Variants in KDM4C observed in about 807,000 individuals in gnomAD.
KDM4C encodes the protein lysine demethylase 4C.
A neutral mutation model predicts 129.3 loss-of-function variants in KDM4C; 81 were observed. That is an observed-to-expected ratio of 0.63 (90% CI 0.52 to 0.75). The LOEUF is 0.75. KDM4C is among the 30% of genes least tolerant of loss of function. KDM4C has a pLI of 0.00. For synonymous variants in KDM4C, 573 were observed against 456.1 expected (o/e 1.26, Z -3.26); for missense variants, 1,457 against 1,304.0 (o/e 1.12, Z -1.81).
At chr9:7,173,350 G>A (rs1035258720) in intron 21 of KDM4C, among the ~76,000 whole-genome samples, 5 of 152,254 alleles carry the variant, frequency 3.3e-5, no homozygotes, top group African/African-American at 1.2e-4. Context: ...TGCAACTGAT[G>A]CCGTCTGAGC....
At chr9:6,810,585 A>G (rs1346011230) in intron 3 of KDM4C, among the ~76,000 whole-genome samples, 2 of 152,238 alleles carry the variant, frequency 1.3e-5, no homozygotes, top group South Asian at 2.1e-4. Flanking sequence ...TTTGAAGTTA[A>G]TTTACGCTGG....
intron 8 of KDM4C, chr9:6,947,955 C>T (rs1316049946): frequency 1.3e-5 from 2 of 152,020 alleles, no homozygotes; most frequent in East Asian, 1.9e-4. Flanking sequence ...TTGTCAGTCT[C>T]GTATATGTCC....
chr9:6,799,068 C>T (rs1313443307), intron 2 of KDM4C, among the ~76,000 whole-genome samples: 3 of 151,008 alleles, frequency 2.0e-5, no homozygotes, highest in African/African-American at 7.3e-5. Flanking sequence ...AGAGACGCTC[C>T]TCACTTTCCA....
intron 18 of KDM4C, among the ~76,000 whole-genome samples, chr9:7,119,141 C>T (rs3802400): frequency 0.44 from 66,773 of 151,906 alleles, 15,021 homozygotes; most frequent in East Asian, 0.75. Flanking sequence ...ATTTTAGCTT[C>T]CATAACTTAA....
intron 19 of KDM4C, among the ~76,000 whole-genome samples, chr9:7,130,295 A>G (rs1441583909): frequency 6.6e-6 from 1 of 152,198 alleles, no homozygotes; most frequent in Non-Finnish European, 1.5e-5. Flanking sequence ...GGAATTAATG[A>G]ACCCTAAATT....
chr9:6,844,684 G>A (rs927981202), intron 4 of KDM4C, among the ~76,000 whole-genome samples: 2 of 152,122 alleles, frequency 1.3e-5, no homozygotes, highest in Non-Finnish European at 2.9e-5. Context: ...GCATCTGATA[G>A]GACTGATATT....
rs879432663 is a variant in KDM4C, at chr9:6,927,101, AT to A, written c.921+33870del. On this transcript the variant is annotated intron_variant, in intron 8 of 21. Transcript: ENST00000381309. ...TTCAAAAAAAATTTTCTATCTATCT[AT>A]CTATCTATCTATCTATCTATCTATC... 5.8e-3 allele frequency among the ~76,000 whole-genome samples: 858 copies of A among 149,196 alleles called. 5 individuals are homozygous for A. Among genetic ancestry groups the A allele is most frequent in the Middle Eastern group, 0.014 (4 of 290 alleles).
chr9:6,817,655 G>A (rs980505566), intron 4 of KDM4C, among the ~76,000 whole-genome samples: 2 of 151,654 alleles, frequency 1.3e-5, no homozygotes, highest in Non-Finnish European at 2.9e-5. Context: ...TGTTGAGAAT[G>A]TATTGTTTAT....
At chr9:7,026,606 T>C (rs1204413459) in intron 15 of KDM4C, among the ~76,000 whole-genome samples, 2 of 152,192 alleles carry the variant, frequency 1.3e-5, no homozygotes, top group Non-Finnish European at 2.9e-5. Context: ...GTAATCTTCT[T>C]GTACTTTGAC....
intron 17 of KDM4C, among the ~76,000 whole-genome samples, chr9:7,074,956 A>G (rs1833723943): frequency 6.6e-6 from 1 of 152,336 alleles, no homozygotes; most frequent in Admixed American, 6.5e-5. Flanking sequence ...ATCTCCTGCC[A>G]TACCCAGCGA....
At chr9:6,763,056 G>A (rs1281780252) in intron 1 of KDM4C, among the ~76,000 whole-genome samples, 1 of 152,054 alleles carries the variant, frequency 6.6e-6, no homozygotes, top group African/African-American at 2.4e-5. Context: ...ATGGGGGGTA[G>A]AGGGGGCGTG....
chr9:6,721,386 C>T (rs1226938607), intron 1 of KDM4C, among the ~76,000 whole-genome samples: 4 of 150,098 alleles, frequency 2.7e-5, no homozygotes, highest in Non-Finnish European at 5.9e-5. Context: ...CAGGTTCAAG[C>T]GATTCTTGTG....
At chr9:6,966,348 A>G (rs1422019447) in intron 8 of KDM4C, among the ~76,000 whole-genome samples, 1 of 152,124 alleles carries the variant, frequency 6.6e-6, no homozygotes, top group Non-Finnish European at 1.5e-5. Flanking sequence ...GCGCCCAGCT[A>G]ATTTTTTGTA....
intron 2 of KDM4C, among the ~76,000 whole-genome samples, chr9:6,794,724 G>A (rs948169148): frequency 4.6e-5 from 7 of 151,848 alleles, no homozygotes; most frequent in South Asian, 2.1e-4. Flanking sequence ...TTATTCTTAC[G>A]GGTGCCAGAT....
intron 8 of KDM4C, among the ~76,000 whole-genome samples, chr9:6,950,852 C>G (rs1048847155): frequency 2.6e-5 from 4 of 152,106 alleles, no homozygotes; most frequent in African/African-American, 9.7e-5. Flanking sequence ...TACCAAAAAG[C>G]TGTGGCTGAG....
intron 17 of KDM4C, among the ~76,000 whole-genome samples, chr9:7,052,898 A>AGAGACAGC (rs1477487723): frequency 0.016 from 758 of 47,600 alleles, 32 homozygotes; most frequent in African/African-American, 0.033. Context: ...AGAGAGAGAG[A>AGAGACAGC]GAGCGAGCGA....
At chr9:6,859,707 T>TA (rs970740004) in intron 5 of KDM4C, among the ~76,000 whole-genome samples, 13 of 150,060 alleles carry the variant, frequency 8.7e-5, no homozygotes, top group African/African-American at 1.7e-4. Context: ...CTAAGAATAA[T>TA]AAAAAAAATT....
At chr9:6,832,672 G>A (rs572761726) in intron 4 of KDM4C, among the ~76,000 whole-genome samples, 5 of 149,200 alleles carry the variant, frequency 3.4e-5, no homozygotes, top group South Asian at 2.1e-4. Context: ...TAATCCACCC[G>A]CCTCGGCCTC....
At chr9:7,020,896 C>T (rs1488422237) in intron 15 of KDM4C, among the ~76,000 whole-genome samples, 2 of 143,546 alleles carry the variant, frequency 1.4e-5, no homozygotes, top group African/African-American at 2.6e-5. Flanking sequence ...GTAGCAAATA[C>T]TGTTTTATTC....
Sources: gnomAD v4.1 joint callset for allele counts (sites outside exome capture counted in the v4.1 genomes callset) on GRCh38, gnomAD v4.1.1 for gene constraint, MANE v1.5 for transcripts, NCBI Gene and HGNC (gene_info 2026-07-23, HGNC 2026-07-21) for gene names.